Variants in ROBO1 observed in about 807,000 individuals in gnomAD.
ROBO1 encodes the protein roundabout guidance receptor 1.
A neutral mutation model predicts 195.9 loss-of-function variants in ROBO1; 149 were observed. The ratio of observed to expected loss-of-function variants is 0.76; its 90% CI spans 0.67 to 0.87. The LOEUF is 0.87. ROBO1 is among the 40% of genes least tolerant of loss of function. The pLI, the probability that ROBO1 is intolerant of heterozygous loss-of-function variation, is 0.00. For missense variants in ROBO1, 1,933 were observed against 2,068.3 expected (o/e 0.93, Z 1.27); for synonymous variants, 816 against 733.2 (o/e 1.11, Z -1.82).
intron 2 of ROBO1, among the ~76,000 whole-genome samples, chr3:79,299,643 A>G (rs1430723107): frequency 4.6e-5 from 7 of 152,170 alleles, no homozygotes; most frequent in Non-Finnish European, 1.5e-5. Flanking sequence ...TCTGCCTGAG[A>G]TAAAATAATA....
chr3:78,737,866 A>C (rs57102196), intron 5 of ROBO1, among the ~76,000 whole-genome samples: 8,554 of 152,184 alleles, frequency 0.056, 701 homozygotes, highest in African/African-American at 0.19. Flanking sequence ...GATGAACCCC[A>C]AAAAAATCTA....
At chr3:78,625,312 ATT>A (rs1421704420) in intron 26 of ROBO1, among the ~76,000 whole-genome samples, 1 of 152,214 alleles carries the variant, frequency 6.6e-6, no homozygotes, top group Non-Finnish European at 1.5e-5. Context: ...AACTAAGCTG[ATT>A]TCAAAATGAC....
intron 3 of ROBO1, among the ~76,000 whole-genome samples, chr3:78,976,294 C>T (rs180807044): frequency 2.7e-4 from 41 of 152,260 alleles, no homozygotes; most frequent in Middle Eastern, 3.4e-3. Flanking sequence ...CAGACAGGAG[C>T]AGTTACCTGA....
At chr3:78,859,710 C>G (rs1385677962) in intron 4 of ROBO1, among the ~76,000 whole-genome samples, 1 of 151,990 alleles carries the variant, frequency 6.6e-6, no homozygotes, top group Non-Finnish European at 1.5e-5. Flanking sequence ...GGGAGAGGAA[C>G]TGGGTGGGCT....
intron 8 of ROBO1, among the ~76,000 whole-genome samples, chr3:78,707,233 C>G (rs2081574472): frequency 6.6e-6 from 1 of 152,108 alleles, no homozygotes; most frequent in Non-Finnish European, 1.5e-5. Context: ...CTCTAGGAAG[C>G]ATCCCATTAG....
chr3:79,217,574 C>T (rs2082076256), intron 2 of ROBO1, among the ~76,000 whole-genome samples: 1 of 151,928 alleles, frequency 6.6e-6, no homozygotes, highest in South Asian at 2.1e-4. Flanking sequence ...AGACTGGCAT[C>T]TTGGGTCGTG....
intron 5 of ROBO1, among the ~76,000 whole-genome samples, chr3:78,742,125 T>A (rs1405715969): frequency 6.6e-6 from 1 of 152,078 alleles, no homozygotes; most frequent in Non-Finnish European, 1.5e-5. Context: ...GGGAGAGGTG[T>A]ACTTTAAATT....
intron 1 of ROBO1, among the ~76,000 whole-genome samples, chr3:79,731,236 G>A (rs971310801): frequency 1.3e-5 from 2 of 152,124 alleles, no homozygotes; most frequent in Admixed American, 1.3e-4. Context: ...CAGAATGAGT[G>A]CCTATGATTT....
chr3:79,735,873 A>G lies in ROBO1; in HGVS notation c.-51+31879T>C, dbSNP rs1703357156. On this transcript the variant is annotated intron_variant, in intron 1 of 30. Transcript: ENST00000464233. ...GCGACAGAGAGAGACTCCGTCTCAA[A>G]AAAAAAAAAAAAACAAAAAAAAAAC... Among the ~76,000 whole-genome samples, 22 of 96,702 alleles carry G rather than the reference A, an allele frequency of 2.3e-4. No homozygotes were observed. The South Asian group carries it at 8.3e-3, about 36-fold the overall frequency. The allele number at this position is 96,702 out of a possible 152,430, so 63.4% of individuals were successfully genotyped here.
intron 1 of ROBO1, among the ~76,000 whole-genome samples, chr3:79,630,983 A>G (rs560563023): frequency 2.0e-5 from 3 of 152,132 alleles, no homozygotes; most frequent in African/African-American, 4.8e-5. Context: ...GATGACAAAA[A>G]GAAATGGAAA....
intron 4 of ROBO1, among the ~76,000 whole-genome samples, chr3:78,885,122 G>A (rs1268731222): frequency 1.3e-5 from 2 of 152,018 alleles, no homozygotes; most frequent in African/African-American, 2.4e-5. Context: ...TGGATAGAGG[G>A]CTAGAGGCCA....
intron 2 of ROBO1, among the ~76,000 whole-genome samples, chr3:79,376,559 TAGTG>T (rs1012788461): frequency 2.0e-5 from 3 of 152,126 alleles, no homozygotes; most frequent in African/African-American, 4.8e-5. Context: ...GTTCTTGTGA[TAGTG>T]AGTAAGTCTC....
chr3:78,881,441 T>C (rs1016129891), intron 4 of ROBO1, among the ~76,000 whole-genome samples: 3 of 152,104 alleles, frequency 2.0e-5, no homozygotes, highest in African/African-American at 7.2e-5. Flanking sequence ...ACTAAAAAAT[T>C]TGAAGAAAAC....
chr3:79,550,168 G>GAAAGAAAGAAAGAAAGA lies in ROBO1; in HGVS notation c.88+39655_88+39656insTCTTTCTTTCTTTCTTT, dbSNP rs1394247494. The stretch of plus-strand genomic sequence containing the variant: ...AAAAGAAAGGAAGAAAGAAAGAAAG[G>GAAAGAAAGAAAGAAAGA]AAGAAAGAAAGAAAGAAAGAAAGAA... On this transcript the variant is annotated intron_variant, in intron 2 of 30. Transcript: ENST00000464233. Among the ~76,000 whole-genome samples, 114 of 96,908 alleles carry GAAAGAAAGAAAGAAAGA rather than the reference G, an allele frequency of 1.2e-3. 7 individuals carry two copies. The highest frequency in any genetic ancestry group is 5.8e-3 in the South Asian group (17 of 2,952). The allele number at this position is 96,908 out of a possible 152,430, so 63.6% of individuals were successfully genotyped here. A position where few individuals can be genotyped will look rare whatever the true frequency, so the allele number is the denominator to read the frequency against.
intron 8 of ROBO1, among the ~76,000 whole-genome samples, chr3:78,698,098 G>A (rs2081341562): frequency 6.6e-6 from 1 of 151,708 alleles, no homozygotes; most frequent in Admixed American, 6.6e-5. Context: ...TAACACATCT[G>A]ATACACTAGA....
chr3:79,715,462 G>A (rs1363854449), intron 1 of ROBO1, among the ~76,000 whole-genome samples: 1 of 151,962 alleles, frequency 6.6e-6, no homozygotes, highest in Non-Finnish European at 1.5e-5. Context: ...GACAATGAAG[G>A]GTCAGCATTT....
chr3:79,498,324 G>A (rs1206330661), intron 2 of ROBO1, among the ~76,000 whole-genome samples: 1 of 151,996 alleles, frequency 6.6e-6, no homozygotes, highest in African/African-American at 2.4e-5. Context: ...GCATGATATT[G>A]TACAAAATAC....
intron 4 of ROBO1, among the ~76,000 whole-genome samples, chr3:78,897,810 C>T (rs1274986978): frequency 6.6e-6 from 1 of 151,946 alleles, no homozygotes; most frequent in Non-Finnish European, 1.5e-5. Flanking sequence ...TAGTCTACTG[C>T]TGATAGATTT....
At chr3:79,034,976 T>C (rs1434789135) in intron 3 of ROBO1, among the ~76,000 whole-genome samples, 1 of 152,132 alleles carries the variant, frequency 6.6e-6, no homozygotes, top group Non-Finnish European at 1.5e-5. Flanking sequence ...TATATTTCCA[T>C]ACTATTTAAG....
Sources: gnomAD v4.1 joint callset for allele counts (sites outside exome capture counted in the v4.1 genomes callset) on GRCh38, gnomAD v4.1.1 for gene constraint, MANE v1.5 for transcripts, NCBI Gene and HGNC (gene_info 2026-07-23, HGNC 2026-07-21) for gene names.